The following ELOC variants were observed in gnomAD, a reference collection of about 807,000 sequenced individuals.
The protein encoded by ELOC is elongin C, also known as elongin-C.
For missense variants in ELOC, 38 were observed against 139.0 expected (o/e 0.27, Z 3.65); for synonymous variants, 40 against 51.3 (o/e 0.78, Z 0.94).
At chr8:73,949,995 GTA>G (rs1477220079) in intron 3 of ELOC, among the ~76,000 whole-genome samples, 2 of 152,150 alleles carry the variant, frequency 1.3e-5, no homozygotes, top group Non-Finnish European at 2.9e-5. Flanking sequence ...TGTTGTGTGT[GTA>G]TATGAGGAGT....
rs146313150 is a variant in ELOC at position 73,958,071 on chromosome 8, C to T, written c.4+1694G>A. 6.0e-3 allele frequency among the ~76,000 whole-genome samples: 907 copies of T among 151,024 alleles called. 13 individuals are homozygous for T. The highest frequency in any genetic ancestry group is 0.021 in the African/African-American group (857 of 41,214). ...GATTACAGGCATGAGCCGCTGCACCCGGACTACTTATTTATTTATGGTTTT... is the reference window on the plus strand; with the variant it reads ...GATTACAGGCATGAGCCGCTGCACCTGGACTACTTATTTATTTATGGTTTT... On this transcript the variant is annotated intron_variant, in intron 2 of 3. Coordinates refer to ENST00000520242, the MANE Select transcript of ELOC (RefSeq NM_005648.4).
At position 73,945,422 on chromosome 8, in the gene ELOC, T is replaced by C. The variant is rs1361395115; in HGVS notation, c.*1208A>G. The C allele has an allele frequency of 1.3e-5, 2 of 152,178 alleles. No individual in the cohort carries two copies. The highest frequency in any genetic ancestry group is 2.9e-5 in the Non-Finnish European group (2 of 68,032). The allele number at this position is 152,178 out of a possible 1,614,324, so 9.4% of individuals were successfully genotyped here. ...GCATGAGCCACCGGGCTCAGCCATA[T>C]TAAGCCAGTCTCAAATAAGCTGGAG... On this transcript the variant is annotated 3_prime_UTR_variant, in exon 4 of 4. Coordinates refer to ENST00000520242, the MANE Select transcript of ELOC (RefSeq NM_005648.4).
At chr8:73,955,605 C>CAAA in intron 3 of ELOC, 18 of 189,000 alleles carry the variant, frequency 9.5e-5, no homozygotes, top group East Asian at 1.4e-4. Flanking sequence ...GACTCTGTCT[C>CAAA]AAAAAAAAAA....
chr8:73,953,942 T>C (rs1253548785), intron 3 of ELOC, among the ~76,000 whole-genome samples: 1 of 152,238 alleles, frequency 6.6e-6, no homozygotes, highest in Non-Finnish European at 1.5e-5. Flanking sequence ...AACCCAAATA[T>C]TTATCAACTG....
chr8:73,951,712 G>A (rs1207259750), intron 3 of ELOC, among the ~76,000 whole-genome samples: 1 of 152,038 alleles, frequency 6.6e-6, no homozygotes, highest in African/African-American at 2.4e-5. Flanking sequence ...AGAGCTGCAA[G>A]GGATCCCAAA....
At chr8:73,960,328 G>A (rs191608011) in intron 1 of ELOC, among the ~76,000 whole-genome samples, 8 of 152,152 alleles carry the variant, frequency 5.3e-5, no homozygotes, top group African/African-American at 1.4e-4. Flanking sequence ...TTTGATCCTC[G>A]TTTTGAGAGG....
chr8:73,946,890 A>G, intron 3 of ELOC, 70 bp from the exon 4 acceptor site: 1 of 1,303,948 alleles, frequency 7.7e-7, no homozygotes, highest in Non-Finnish European at 1.1e-6. Flanking sequence ...TTGAAGTCTT[A>G]ACCCCTTGTA....
chr8:73,970,839 A>G (rs2131208533), intron 1 of ELOC, among the ~76,000 whole-genome samples: 1 of 148,266 alleles, frequency 6.7e-6, no homozygotes, highest in South Asian at 2.1e-4. Flanking sequence ...ACATGGTGAA[A>G]CCCCATCTCT....
At chr8:73,954,651 C>CAA (rs547357092) in intron 3 of ELOC, among the ~76,000 whole-genome samples, 3 of 106,456 alleles carry the variant, frequency 2.8e-5, no homozygotes, top group African/African-American at 7.5e-5. Context: ...GACTCCGTCT[C>CAA]AAAAAAAAAA....
intron 1 of ELOC, chr8:73,970,768 C>CG (rs536355523): frequency 3.3e-5 from 5 of 151,494 alleles, no homozygotes; most frequent in Non-Finnish European, 7.4e-5. Flanking sequence ...CGCCTGTAAT[C>CG]GTAGCTCTTT....
In ELOC at chr8:73,959,812, T is replaced by C. The variant is rs753851145; in HGVS notation, c.-44A>G. 2 of 1,509,754 alleles carry C rather than the reference T, an allele frequency of 1.3e-6. No individual in the cohort carries two copies. The highest frequency in any genetic ancestry group is 8.9e-7 in the Non-Finnish European group (1 of 1,120,762). The allele number at this position is 1,509,754 out of a possible 1,614,324, so 93.5% of individuals were successfully genotyped here. On this transcript the variant is annotated 5_prime_UTR_variant, in exon 2 of 4. Transcript: ENST00000520242. ...TACTTTGCTTCCCCAGGAACTTTAG[T>C]AGTTTCCTGAAAATATAACAATATC... is the stretch of plus-strand genomic sequence containing the variant.
At chr8:73,970,626 T>C (rs976338021) in intron 1 of ELOC, 1 of 152,158 alleles carries the variant, frequency 6.6e-6, no homozygotes, top group Non-Finnish European at 1.5e-5. Context: ...TAAATCCACA[T>C]GTAAACTGCT....
chr8:73,945,913 T>C lies in ELOC; in HGVS notation c.*717A>G, dbSNP rs764532251. On this transcript the variant is annotated 3_prime_UTR_variant, in exon 4 of 4. Transcript: ENST00000520242. ...ATTGCAAACGACGCTTTATAGTCAA[T>C]GCAAATACAGTACTTTGAATTACCC... 3 of 151,462 alleles carry C rather than the reference T, an allele frequency of 2.0e-5. No individual in the cohort carries two copies. Among genetic ancestry groups the C allele is most frequent in the Non-Finnish European group, 2.9e-5 (2 of 68,024 alleles). 9.4% of individuals were successfully genotyped at this position (151,462 alleles called of 1,614,324 possible).
rs553308095 is a variant in ELOC at position 73,952,859 on chromosome 8, C to T, written c.148+3052G>A. Among the ~76,000 whole-genome samples the T allele has an allele frequency of 4.6e-5, 7 of 151,580 alleles. No homozygotes were observed. The East Asian group carries it at 7.8e-4, about 17-fold the overall frequency. On this transcript the variant is annotated intron_variant, in intron 3 of 3. Coordinates refer to ENST00000520242, the MANE Select transcript of ELOC (RefSeq NM_005648.4). ...TCTACTACTGAGAATTAATAAGGAA[C>T]TCTCACAATTCAACAACAAAAATAC...
At chr8:73,955,638 G>T in intron 3 of ELOC, 1 of 342,710 alleles carries the variant, frequency 2.9e-6, no homozygotes, top group Non-Finnish European at 5.4e-6. Context: ...CAGGGGTGGT[G>T]GTACACACCT....
chr8:73,951,676 CA>C (rs1813771313), intron 3 of ELOC, among the ~76,000 whole-genome samples: 1 of 151,564 alleles, frequency 6.6e-6, no homozygotes, highest in Non-Finnish European at 1.5e-5. Context: ...ACAACAACAA[CA>C]ACAAAACAAC....
rs989005385 is a variant in ELOC at position 73,945,956 on chromosome 8, A to G, written c.*674T>C. 5.3e-5 allele frequency: 8 copies of G among 151,394 alleles called. No homozygotes were observed. The highest frequency in any genetic ancestry group is 8.8e-5 in the Non-Finnish European group (6 of 68,018). The allele number at this position is 151,394 out of a possible 1,614,324, so 9.4% of individuals were successfully genotyped here. On this transcript the variant is annotated 3_prime_UTR_variant, in exon 4 of 4. Transcript: ENST00000520242. ...AATTACCCAAAATGTATAATGCACA[A>G]GAACTCTAAGTCATGTAGTTTACTT...
rs1435805272 is a variant in ELOC at position 73,946,484 on chromosome 8, G to A, written c.*146C>T. The A allele has an allele frequency of 1.8e-6, 1 of 553,750 alleles. No homozygotes were observed. The highest frequency in any genetic ancestry group is 2.9e-6 in the Non-Finnish European group (1 of 344,022). The allele number at this position is 553,750 out of a possible 1,614,324, so 34.3% of individuals were successfully genotyped here. On this transcript the variant is annotated 3_prime_UTR_variant, in exon 4 of 4. Transcript: ENST00000520242. Reference sequence around the variant, plus strand: ...AACAAATTTCAACTTTGATTGCTATGCAAAAAAACAAGATAATCTGCTTTG... The same window carrying A: ...AACAAATTTCAACTTTGATTGCTATACAAAAAAACAAGATAATCTGCTTTG...
intron 1 of ELOC, among the ~76,000 whole-genome samples, chr8:73,968,634 C>T (rs1271215552): frequency 1.3e-5 from 2 of 152,150 alleles, no homozygotes; most frequent in East Asian, 3.8e-4. Flanking sequence ...ATATTTTGTC[C>T]ACCCTGCTAT....
Sources: allele counts gnomAD v4.1 joint callset (sites outside exome capture counted in the v4.1 genomes callset), GRCh38; gene constraint gnomAD v4.1.1; transcripts MANE v1.5; gene names NCBI Gene and HGNC (gene_info 2026-07-23, HGNC 2026-07-21).